Variants in TTC34 observed in about 807,000 individuals in gnomAD.
TTC34 encodes tetratricopeptide repeat domain 34.
Under a neutral mutation model 40.7 loss-of-function variants are expected in TTC34, and 44 were observed. The ratio of observed to expected loss-of-function variants is 1.08; its 90% CI spans 0.85 to 1.39. The LOEUF is 1.39. Among genes scored for constraint, TTC34 ranks in the 40% most tolerant of loss-of-function variants. TTC34 has a pLI of 0.00. For missense variants in TTC34, 884 were observed against 838.0 expected, an observed-to-expected ratio of 1.05 and a Z score of -0.68; for synonymous variants, 422 against 398.6, an observed-to-expected ratio of 1.06 and a Z score of -0.70.
At chr1:2,750,017 A>G (rs1641264164) in intron 6 of TTC34, among the ~76,000 whole-genome samples, 1 of 101,664 alleles carries the variant, frequency 9.8e-6, no homozygotes, top group Non-Finnish European at 1.8e-5. Context: ...CCAGGCGAGC[A>G]TCCGACAGCC....
chr1:2,798,369 C>T (rs1643733446), intron 2 of TTC34, among the ~76,000 whole-genome samples: 1 of 104,066 alleles, frequency 9.6e-6, no homozygotes, highest in Admixed American at 9.3e-5. Context: ...CCCCCAGCCT[C>T]CCAGCCTCCC....
chr1:2,752,094 A>C lies in TTC34; in HGVS notation c.2226+31515T>G, dbSNP rs1462875564. On this transcript the variant is annotated intron_variant, in intron 6 of 8. Coordinates refer to ENST00000401095, the Ensembl canonical transcript of TTC34. ...CGCACGGAGCAGCACCCACACCTTCAGGCGAGCATCGGACAGCCTGGAGCA... is the reference window on the plus strand; with the variant it reads ...CGCACGGAGCAGCACCCACACCTTCCGGCGAGCATCGGACAGCCTGGAGCA... Among the ~76,000 whole-genome samples, 96 of 98,308 alleles carry C rather than the reference A, an allele frequency of 9.8e-4. 2 individuals carry two copies. The highest frequency in any genetic ancestry group is 2.0e-3 in the African/African-American group (40 of 20,178). The allele number at this position is 98,308 out of a possible 152,430, so 64.5% of individuals were successfully genotyped here.
exon 2 of TTC34, chr1:2,800,398 C>T (rs1265706487): frequency 3.8e-5 from 15 of 398,366 alleles, no homozygotes; most frequent in Admixed American, 4.4e-5. Context: ...CAGGCGAGGG[C>T]GCGGGTCAGC....
intron 6 of TTC34, among the ~76,000 whole-genome samples, chr1:2,749,632 C>T (rs1463726764): frequency 0.011 from 885 of 79,490 alleles, 3 homozygotes; most frequent in Middle Eastern, 0.032. Context: ...TGGTCTGGAG[C>T]AGCCCCCACA....
intron 6 of TTC34, among the ~76,000 whole-genome samples, chr1:2,685,217 CATCG>C (rs1640275457): frequency 2.5e-5 from 3 of 119,936 alleles, no homozygotes; most frequent in South Asian, 3.2e-4. Flanking sequence ...GAGCATCTGA[CATCG>C]TGGAGCAGCA....
At chr1:2,655,896 C>G (rs1160650648) in intron 6 of TTC34, among the ~76,000 whole-genome samples, 3 of 129,098 alleles carry the variant, frequency 2.3e-5, no homozygotes, top group African/African-American at 8.5e-5. Context: ...TGCCCAAACC[C>G]CCAGGTGAGC....
intron 8 of TTC34, among the ~76,000 whole-genome samples, chr1:2,643,900 T>G (rs1638965193): frequency 6.6e-6 from 1 of 152,216 alleles, no homozygotes; most frequent in African/African-American, 2.4e-5. Context: ...GCCTGCCTTG[T>G]CCCCACGTGC....
intron 6 of TTC34, among the ~76,000 whole-genome samples, chr1:2,699,570 A>T (rs1569654638): frequency 7.0e-6 from 1 of 143,762 alleles, no homozygotes; most frequent in African/African-American, 2.5e-5. Flanking sequence ...AGCAGCACCC[A>T]CACCCCCAGG....
At chr1:2,781,752 C>T (rs1439089245) in intron 6 of TTC34, among the ~76,000 whole-genome samples, 1 of 152,120 alleles carries the variant, frequency 6.6e-6, no homozygotes, top group East Asian at 1.9e-4. Flanking sequence ...TTGTCAAATG[C>T]TTTTCTGCAT....
rs1239139795 is a variant in TTC34 at position 2,748,782 on chromosome 1, C to A, written c.2226+34827G>T. 1.4e-5 allele frequency among the ~76,000 whole-genome samples: 2 copies of A among 141,076 alleles called. 1 individual carries two copies. The highest frequency in any genetic ancestry group is 3.0e-5 in the Non-Finnish European group (2 of 66,044). 92.6% of individuals were successfully genotyped at this position (141,076 alleles called of 152,430 possible). Reference sequence around the variant, plus strand: ...ACACCCCTAGGAGAGCATCCGGCAGCCTGGAGCGGAACCCACACCCACAGG... The same window carrying A: ...ACACCCCTAGGAGAGCATCCGGCAGACTGGAGCGGAACCCACACCCACAGG... On this transcript the variant is annotated intron_variant, in intron 6 of 8. Coordinates refer to ENST00000401095, the Ensembl canonical transcript of TTC34.
At chr1:2,772,872 T>G (rs373752256) in intron 6 of TTC34, among the ~76,000 whole-genome samples, 32 of 73,086 alleles carry the variant, frequency 4.4e-4, no homozygotes, top group African/African-American at 1.4e-3. Flanking sequence ...GATGAGCATC[T>G]GACAGCCTGG....
chr1:2,757,855 TGGA>T (rs1253424071), intron 6 of TTC34, among the ~76,000 whole-genome samples: 3 of 142,614 alleles, frequency 2.1e-5, no homozygotes, highest in Admixed American at 6.9e-5. Flanking sequence ...TCTGATGGTC[TGGA>T]GCAGCACCCA....
chr1:2,789,822 C>T, exon 3 of TTC34: 1 of 444,978 alleles, frequency 2.2e-6, no homozygotes, highest in Non-Finnish European at 3.9e-6. Flanking sequence ...GTCTGGAAGT[C>T]CTCCATGGCG....
Position 2,752,975 on chromosome 1 carries a change from C to A in TTC34, c.2226+30634G>T, listed in dbSNP as rs1348861376. Among the ~76,000 whole-genome samples, 7 of 144,234 alleles carry A rather than the reference C, an allele frequency of 4.9e-5. No individual in the cohort carries two copies. In the South Asian group the frequency reaches 6.8e-4, roughly 14 times the overall value. The allele number at this position is 144,234 out of a possible 152,430, so 94.6% of individuals were successfully genotyped here. A position where few individuals can be genotyped will look rare whatever the true frequency, so the allele number is the denominator to read the frequency against. On this transcript the variant is annotated intron_variant, in intron 6 of 8. Coordinates refer to ENST00000401095, the Ensembl canonical transcript of TTC34. The stretch of plus-strand genomic sequence containing the variant: ...CGATAGCCTGGAGCAACACCCATAC[C>A]CCCAGGTGAGCATCTGACCGCATGG...
At chr1:2,655,576 C>A (rs1235729508) in intron 6 of TTC34, among the ~76,000 whole-genome samples, 2 of 151,236 alleles carry the variant, frequency 1.3e-5, no homozygotes, top group South Asian at 4.1e-4. Flanking sequence ...CTCACAACCC[C>A]AGGTTAGCAT....
At chr1:2,777,251 A>AT in intron 6 of TTC34, among the ~76,000 whole-genome samples, 1 of 88,992 alleles carries the variant, frequency 1.1e-5, no homozygotes, top group East Asian at 3.7e-4. Context: ...AGCACCCCAC[A>AT]CCCCCAGTGA....
intron 6 of TTC34, among the ~76,000 whole-genome samples, chr1:2,759,658 AGCCTG>A (rs1641627416): frequency 1.3e-5 from 2 of 150,268 alleles, no homozygotes; most frequent in Non-Finnish European, 3.0e-5. Flanking sequence ...AGCATTCGAC[AGCCTG>A]GAGCAGCACC....
At chr1:2,682,127 G>T (rs1248765626) in intron 6 of TTC34, among the ~76,000 whole-genome samples, 171 of 136,768 alleles carry the variant, frequency 1.3e-3, no homozygotes, top group Non-Finnish European at 2.2e-3. Flanking sequence ...GCATCTGACA[G>T]CCTGGAACAG....
chr1:2,787,788 C>T (rs1643611557), intron 3 of TTC34, 82 bp from the exon 4 acceptor site: 3 of 1,221,342 alleles, frequency 2.5e-6, no homozygotes, highest in Middle Eastern at 2.3e-4. Flanking sequence ...TGGGGAAATC[C>T]CGTCTCCATG....
Sources: allele counts gnomAD v4.1 joint callset (sites outside exome capture counted in the v4.1 genomes callset), GRCh38; gene constraint gnomAD v4.1.1; transcripts MANE v1.5; gene names NCBI Gene and HGNC (gene_info 2026-07-23, HGNC 2026-07-21).